Variants in ADAMTS17 observed in about 807,000 individuals in gnomAD.
ADAMTS17 encodes the protein A disintegrin and metalloproteinase with thrombospondin motifs 17.
Under a neutral mutation model 141.5 loss-of-function variants are expected in ADAMTS17, and 113 were observed. The ratio of observed to expected loss-of-function variants is 0.80; its 90% CI spans 0.69 to 0.93. ADAMTS17 has a LOEUF of 0.93. ADAMTS17 is among the 40% of genes least tolerant of loss of function. The pLI is 0.00. For missense variants in ADAMTS17, 1,659 were observed against 1,517.9 expected (o/e 1.09, Z -1.54); for synonymous variants, 768 against 630.6 (o/e 1.22, Z -3.27).
At chr15:100,021,886 T>G (rs1596247879) in intron 18 of ADAMTS17, among the ~76,000 whole-genome samples, 3 of 152,196 alleles carry the variant, frequency 2.0e-5, no homozygotes, top group East Asian at 3.9e-4. Context: ...ATTTCTCGGT[T>G]GGCCAATGTC....
At chr15:100,226,426 T>G (rs2042315510) in intron 7 of ADAMTS17, among the ~76,000 whole-genome samples, 2 of 152,274 alleles carry the variant, frequency 1.3e-5, no homozygotes, top group African/African-American at 4.8e-5. Context: ...TAATCAGATG[T>G]GGTTTTGAGG....
At chr15:100,150,040 G>GA (rs1007963485) in intron 10 of ADAMTS17, among the ~76,000 whole-genome samples, 2 of 152,080 alleles carry the variant, frequency 1.3e-5, no homozygotes, top group African/African-American at 4.8e-5. Flanking sequence ...TATTGGAGAG[G>GA]AAAAAACACA....
At chr15:100,029,007 T>C (rs938701078) in intron 18 of ADAMTS17, among the ~76,000 whole-genome samples, 2 of 152,264 alleles carry the variant, frequency 1.3e-5, no homozygotes, top group Non-Finnish European at 2.9e-5. Context: ...GACATCTCGC[T>C]GTCTGGCCCG....
chr15:100,209,655 A>T (rs75411267), intron 7 of ADAMTS17, among the ~76,000 whole-genome samples: 1,622 of 151,954 alleles, frequency 0.011, 15 homozygotes, highest in South Asian at 0.017. Context: ...CACACCACGA[A>T]GTCAAGTGGG....
chr15:100,085,866 C>A (rs1328871275), intron 15 of ADAMTS17, among the ~76,000 whole-genome samples: 2 of 152,102 alleles, frequency 1.3e-5, no homozygotes, highest in African/African-American at 2.4e-5. Context: ...TGGAAAGGAA[C>A]AACTGGTAAC....
At chr15:100,175,334 T>C (rs1157210345) in intron 8 of ADAMTS17, among the ~76,000 whole-genome samples, 1 of 152,220 alleles carries the variant, frequency 6.6e-6, no homozygotes, top group Admixed American at 6.5e-5. Context: ...CTTCTGTCCT[T>C]ATCCTTGGTC....
chr15:100,333,281 A>G (rs2046110301), intron 2 of ADAMTS17, among the ~76,000 whole-genome samples: 1 of 152,176 alleles, frequency 6.6e-6, no homozygotes, highest in African/African-American at 2.4e-5. Context: ...GCCACATAAC[A>G]GTTACTCAGA....
chr15:100,124,186 GAA>G (rs2037600164), intron 12 of ADAMTS17, among the ~76,000 whole-genome samples: 2 of 152,108 alleles, frequency 1.3e-5, no homozygotes, highest in Non-Finnish European at 2.9e-5. Context: ...GGCTAGTCAT[GAA>G]CTCCTGGCCT....
intron 3 of ADAMTS17, among the ~76,000 whole-genome samples, chr15:100,289,536 ACATACACACACT>A (rs1222878729): frequency 1.0e-4 from 14 of 134,464 alleles, no homozygotes; most frequent in East Asian, 6.2e-4. Context: ...ACACATACAC[ACATACACACACT>A]CACACACACA....
At chr15:100,112,821 C>T (rs1310932281) in intron 13 of ADAMTS17, among the ~76,000 whole-genome samples, 1 of 152,072 alleles carries the variant, frequency 6.6e-6, no homozygotes, top group Non-Finnish European at 1.5e-5. Context: ...GAGGTGGTCA[C>T]AGGCAGGGCA....
intron 8 of ADAMTS17, among the ~76,000 whole-genome samples, chr15:100,192,417 A>C (rs977395113): frequency 1.3e-5 from 2 of 152,220 alleles, no homozygotes. Context: ...CAGGAAGGCC[A>C]ACCCCTATGT....
At chr15:100,178,013 T>C (rs1455205703) in intron 8 of ADAMTS17, among the ~76,000 whole-genome samples, 1 of 152,184 alleles carries the variant, frequency 6.6e-6, no homozygotes, top group Non-Finnish European at 1.5e-5. Context: ...GTTTTCATGA[T>C]GTATTTTTTC....
intron 10 of ADAMTS17, among the ~76,000 whole-genome samples, chr15:100,134,221 G>C (rs192647721): frequency 2.0e-5 from 3 of 152,174 alleles, no homozygotes; most frequent in Non-Finnish European, 2.9e-5. Context: ...GAGGGTCCTG[G>C]GGGGGATGGC....
chr15:100,038,857 T>C (rs2030995220), intron 18 of ADAMTS17, among the ~76,000 whole-genome samples: 1 of 152,254 alleles, frequency 6.6e-6, no homozygotes, highest in Non-Finnish European at 1.5e-5. Context: ...AAATGTTGGA[T>C]AGAAATAGTA....
chr15:100,010,451 T>C (rs1207337789), intron 18 of ADAMTS17, among the ~76,000 whole-genome samples: 2 of 152,186 alleles, frequency 1.3e-5, no homozygotes, highest in Admixed American at 1.3e-4. Flanking sequence ...TGTTCTGCTT[T>C]GCTGTGGGAG....
intron 18 of ADAMTS17, among the ~76,000 whole-genome samples, chr15:100,038,707 A>C (rs960530845): frequency 4.6e-5 from 7 of 152,216 alleles, no homozygotes; most frequent in Admixed American, 1.3e-4. Context: ...TAGTTCTAAT[A>C]GTTTTTAGAG....
In ADAMTS17 at chr15:100,152,602, G is replaced by A. The variant is rs779569570; in HGVS notation, c.1473+10C>T. On this transcript the variant is annotated intron_variant, in intron 10 of 21. Coordinates refer to ENST00000268070, the MANE Select transcript of ADAMTS17 (RefSeq NM_139057.4). ...CTCTGTCCCGAGCCAGCCCTCCCAC[G>A]GCTGCTTACCTCCATGTTTCTGCAG... 44 of 1,613,248 alleles carry A rather than the reference G, an allele frequency of 2.7e-5. No individual in the cohort carries two copies. In the East Asian group the frequency reaches 4.5e-4, roughly 16 times the overall value.
At chr15:100,099,756 G>A (rs985200666) in intron 14 of ADAMTS17, among the ~76,000 whole-genome samples, 26 of 121,820 alleles carry the variant, frequency 2.1e-4, no homozygotes, top group African/African-American at 7.1e-4. Flanking sequence ...GAGATGGTAT[G>A]AGATGGGATG....
chr15:100,213,181 G>A (rs1406955250), intron 7 of ADAMTS17, among the ~76,000 whole-genome samples: 1 of 152,102 alleles, frequency 6.6e-6, no homozygotes, highest in Non-Finnish European at 1.5e-5. Flanking sequence ...TTGTATCTTG[G>A]TATGTTTAAC....
Sources: gnomAD v4.1 joint callset for allele counts (sites outside exome capture counted in the v4.1 genomes callset) on GRCh38, gnomAD v4.1.1 for gene constraint, MANE v1.5 for transcripts, NCBI Gene and HGNC (gene_info 2026-07-23, HGNC 2026-07-21) for gene names.